The following VPS35L variants were observed in gnomAD, a reference collection of about 807,000 sequenced individuals.
VPS35L encodes VPS35 endosomal protein-sorting factor-like.
A neutral mutation model predicts 133.0 loss-of-function variants in VPS35L; 83 were observed. That is an observed-to-expected ratio of 0.62 (90% CI 0.52 to 0.75). The LOEUF (loss-of-function observed/expected upper bound fraction) is 0.75. VPS35L is among the 30% of genes least tolerant of loss of function. VPS35L has a pLI of 0.00. For synonymous variants in VPS35L, 423 were observed against 449.9 expected, an observed-to-expected ratio of 0.94 and a Z score of 0.76; for missense variants, 1,083 against 1,206.8, an observed-to-expected ratio of 0.90 and a Z score of 1.52.
chr16:19,658,296 G>A (rs1365872969), intron 26 of VPS35L, among the ~76,000 whole-genome samples: 4 of 152,174 alleles, frequency 2.6e-5, no homozygotes, highest in Admixed American at 1.3e-4. Flanking sequence ...TTGGGAGGCC[G>A]AAGTGGATGG....
At chr16:19,698,080 C>T (rs1197087111) in intron 29 of VPS35L, among the ~76,000 whole-genome samples, 1 of 152,224 alleles carries the variant, frequency 6.6e-6, no homozygotes, top group Admixed American at 6.5e-5. Flanking sequence ...CTAGCTGGGG[C>T]CGGCGTCTCT....
chr16:19,672,861 GA>G (rs1974923464), intron 27 of VPS35L, among the ~76,000 whole-genome samples: 1 of 152,058 alleles, frequency 6.6e-6, no homozygotes, highest in Non-Finnish European at 1.5e-5. Context: ...GAAGGCAAAA[GA>G]AAAAAATCAG....
intron 29 of VPS35L, among the ~76,000 whole-genome samples, chr16:19,696,665 A>G (rs147514468): frequency 6.6e-6 from 1 of 152,156 alleles, no homozygotes; most frequent in East Asian, 1.9e-4. Context: ...GTTTGAATAT[A>G]TCAGCTGGCA....
chr16:19,637,044 G>A (rs1198244738), intron 19 of VPS35L, among the ~76,000 whole-genome samples: 1 of 152,224 alleles, frequency 6.6e-6, no homozygotes, highest in African/African-American at 2.4e-5. Context: ...GCTATATGTA[G>A]CCTGCCACTT....
At chr16:19,643,241 G>A (rs1846699247) in intron 22 of VPS35L, among the ~76,000 whole-genome samples, 1 of 152,170 alleles carries the variant, frequency 6.6e-6, no homozygotes, top group Admixed American at 6.6e-5. Context: ...GTAGACTTTA[G>A]TTGGACAAAA....
chr16:19,576,858 C>A (rs1412249288), intron 5 of VPS35L, among the ~76,000 whole-genome samples: 2 of 151,972 alleles, frequency 1.3e-5, no homozygotes, highest in Non-Finnish European at 1.5e-5. Context: ...AGGTGTGCAC[C>A]ACCAGGCCCA....
intron 8 of VPS35L, among the ~76,000 whole-genome samples, chr16:19,594,054 GC>G (rs1239119599): frequency 1.2e-4 from 18 of 152,188 alleles, no homozygotes; most frequent in African/African-American, 4.3e-4. Context: ...CTTTCTCCAA[GC>G]ATTCCCACAG....
At chr16:19,688,015 C>A (rs1011744204) in intron 28 of VPS35L, among the ~76,000 whole-genome samples, 1 of 152,192 alleles carries the variant, frequency 6.6e-6, no homozygotes, top group Non-Finnish European at 1.5e-5. Context: ...CAACATCTGC[C>A]TCCTGGGCTC....
chr16:19,566,799 G>A (rs1016193106), intron 2 of VPS35L, among the ~76,000 whole-genome samples: 16 of 151,300 alleles, frequency 1.1e-4, no homozygotes, highest in Non-Finnish European at 2.9e-5. Context: ...GCCCAGGCTG[G>A]AGTGCAATGG....
chr16:19,624,527 G>A (rs1973198196), intron 14 of VPS35L, among the ~76,000 whole-genome samples: 1 of 152,062 alleles, frequency 6.6e-6, no homozygotes, highest in South Asian at 2.1e-4. Context: ...GGAGGTTCTG[G>A]TGAGCCGAGA....
Position 19,682,213 on chromosome 16 carries a change from G to C in VPS35L, c.2362-12G>C. On this transcript the variant is annotated splice_polypyrimidine_tract_variant and intron_variant, in intron 27 of 30. Coordinates refer to ENST00000417362, the MANE Select transcript of VPS35L (RefSeq NM_020314.7). ...TTTGGGATTATTTATCCTTTTTTCG[G>C]TTCTCTGCTAGGATCATCCTGAACA... The C allele has an allele frequency of 1.3e-6, 2 of 1,598,234 alleles. No individual in the cohort carries two copies. The highest frequency in any genetic ancestry group is 4.5e-5 in the East Asian group (2 of 44,646).
At chr16:19,561,974 G>A (rs778855603) in intron 1 of VPS35L, among the ~76,000 whole-genome samples, 3 of 152,030 alleles carry the variant, frequency 2.0e-5, no homozygotes, top group Non-Finnish European at 4.4e-5. Flanking sequence ...GGGCGTGGGG[G>A]TGTGCCTGTG....
At chr16:19,616,910 T>C (rs746706568) in intron 14 of VPS35L, 102 bp downstream of exon 14, 1 of 1,514,662 alleles carries the variant, frequency 6.6e-7, no homozygotes, top group Non-Finnish European at 9.1e-7. Context: ...ATAACAGCTA[T>C]AGCAATGTTA....
chr16:19,626,150 T>A (rs767842982), intron 14 of VPS35L, 27 bp from the exon 15 acceptor site: 76 of 1,499,198 alleles, frequency 5.1e-5, no homozygotes, highest in African/African-American at 1.0e-4. Context: ...CCTGATTTTT[T>A]AATTATTATT....
At chr16:19,635,400 C>T (rs570514703) in intron 19 of VPS35L, among the ~76,000 whole-genome samples, 19 of 152,168 alleles carry the variant, frequency 1.2e-4, no homozygotes, top group Non-Finnish European at 2.2e-4. Context: ...AACCCAAAAA[C>T]CCCACATATA....
At chr16:19,631,259 C>T (rs1323717893) in intron 18 of VPS35L, among the ~76,000 whole-genome samples, 5 of 152,062 alleles carry the variant, frequency 3.3e-5, no homozygotes, top group African/African-American at 7.2e-5. Flanking sequence ...AAAAAGTGCA[C>T]GTATCATAAG....
At chr16:19,565,058 TGA>T in intron 2 of VPS35L, 108 bp downstream of exon 2, 2 of 840,214 alleles carry the variant, frequency 2.4e-6, no homozygotes, top group Non-Finnish European at 1.8e-6. Flanking sequence ...TTTGCATATT[TGA>T]TTTTTTTTTT....
At chr16:19,660,424 G>A in intron 26 of VPS35L, among the ~76,000 whole-genome samples, 1 of 152,162 alleles carries the variant, frequency 6.6e-6, no homozygotes, top group East Asian at 1.9e-4. Flanking sequence ...AGTTACCTAG[G>A]AGGGTAGTTG....
intron 24 of VPS35L, among the ~76,000 whole-genome samples, 177 bp downstream of exon 24, chr16:19,648,059 T>TC (rs1233935468): frequency 1.2e-4 from 18 of 152,030 alleles, no homozygotes; most frequent in African/African-American, 4.3e-4. Context: ...GCTCAAGCAA[T>TC]TCTCCCTGTC....
Sources: allele counts gnomAD v4.1 joint callset (sites outside exome capture counted in the v4.1 genomes callset), GRCh38; gene constraint gnomAD v4.1.1; transcripts MANE v1.5; gene names NCBI Gene and HGNC (gene_info 2026-07-23, HGNC 2026-07-21).